The following FAM118B variants were observed in gnomAD, a reference collection of about 807,000 sequenced individuals.
The protein encoded by FAM118B is SIR2 antiphage like 1, also known as protein FAM118B.
A neutral mutation model predicts 38.5 loss-of-function variants in FAM118B; 24 were observed. That is an observed-to-expected ratio of 0.62 (90% CI 0.45 to 0.88). The LOEUF is 0.88. Among genes scored for constraint, FAM118B ranks in the 40% least tolerant of loss-of-function variants. FAM118B has a pLI of 0.00. For missense variants in FAM118B, 334 were observed against 420.0 expected, an observed-to-expected ratio of 0.80 and a Z score of 1.79; for synonymous variants, 138 against 156.3, an observed-to-expected ratio of 0.88 and a Z score of 0.87.
intron 2 of FAM118B, among the ~76,000 whole-genome samples, chr11:126,233,433 C>T (rs2036251): frequency 0.062 from 9,369 of 152,182 alleles, 402 homozygotes; most frequent in East Asian, 0.17. Context: ...TGCAGTGAGC[C>T]GAGATTGCGC....
rs1279084574 is a variant in FAM118B at position 126,233,705 on chromosome 11, G to C, written c.-7-1290G>C. On this transcript the variant is annotated intron_variant, in intron 2 of 8. Coordinates refer to ENST00000533050, the MANE Select transcript of FAM118B (RefSeq NM_024556.4). ...ATGATATAAAGAAGAATTACACTGC[G>C]TGTGATGGACTATGGGGTGAGGATG... The C allele has an allele frequency of 8.8e-6, 4 of 456,256 alleles. No individual in the cohort carries two copies. The Admixed American group carries it at 9.4e-5, about 11-fold the overall frequency. 28.3% of individuals were successfully genotyped at this position (456,256 alleles called of 1,614,324 possible). A position where few individuals can be genotyped will look rare whatever the true frequency, so the allele number is the denominator to read the frequency against.
Position 126,256,683 on chromosome 11 carries a change from C to T in FAM118B, c.813C>T (p.Asp271=). The stretch of plus-strand genomic sequence containing the variant: ...TGGAGGCTGTCAAGCATAAATCTGA[C>T]CTAGAACATTTCATGCTGGTTCGGA... ...LFLEAVKHKS[D]LEHFMLVRRG... The change falls in exon 7 of 9, where the codon GAC becomes GAT. Residue 271 remains aspartate, a synonymous_variant. Transcript: ENST00000533050. This position sits in a 1 kb window ranked among gnomAD's most constrained non-coding sequence, Gnocchi z 6.6. The T allele has an allele frequency of 6.2e-7, 1 of 1,614,182 alleles. No homozygotes were observed. Among genetic ancestry groups the T allele is most frequent in the Non-Finnish European group, 8.5e-7 (1 of 1,180,030 alleles).
At chr11:126,226,933 A>G (rs1950149957) in intron 1 of FAM118B, among the ~76,000 whole-genome samples, 1 of 132,690 alleles carries the variant, frequency 7.5e-6, no homozygotes, top group Non-Finnish European at 1.6e-5. Flanking sequence ...ATGCCTGGGC[A>G]ACAGTGAGAC....
intron 1 of FAM118B, among the ~76,000 whole-genome samples, chr11:126,222,302 A>G (rs1289651551): frequency 6.6e-6 from 1 of 152,248 alleles, no homozygotes; most frequent in Non-Finnish European, 1.5e-5. Context: ...TGGATGCAGC[A>G]ATACTAATAT....
chr11:126,214,514 G>GTTTTTTTTTTTTTTTT (rs71048770), intron 1 of FAM118B: 3 of 41,494 alleles, frequency 7.2e-5, no homozygotes, highest in African/African-American at 1.2e-4. Context: ...TTTTTTTTTT[G>GTTTTTTTTTTTTTTTT]TTTTTTTTTT....
At chr11:126,261,248 TAA>T in intron 7 of FAM118B, 175 bp from the exon 8 acceptor site, 1 of 591,294 alleles carries the variant, frequency 1.7e-6, no homozygotes. Flanking sequence ...AATGCAAGTC[TAA>T]AGACTACTCC....
At position 126,252,616 on chromosome 11, in the gene FAM118B, G is replaced by A. The variant is rs1279290734; in HGVS notation, c.568-1689G>A. 6.6e-6 allele frequency among the ~76,000 whole-genome samples: 1 copy of A among 152,150 alleles called. No individual in the cohort carries two copies. Among genetic ancestry groups the A allele is most frequent in the Non-Finnish European group, 1.5e-5 (1 of 68,028 alleles). ...AAATTAGCCGGGCATGGTGGTGTTT[G>A]CCTGTGGTCCCAGCTACTTGGGAGG... On this transcript the variant is annotated intron_variant, in intron 5 of 8. Coordinates refer to ENST00000533050, the MANE Select transcript of FAM118B (RefSeq NM_024556.4). The surrounding 1 kb of genome is among the most constrained non-coding windows in gnomAD (Gnocchi z 4.7).
chr11:126,231,978 A>T (rs1277022404), intron 2 of FAM118B, among the ~76,000 whole-genome samples: 3 of 152,216 alleles, frequency 2.0e-5, no homozygotes, highest in African/African-American at 7.2e-5. Context: ...GTTAAGGATT[A>T]CTTGGCATTA....
At chr11:126,235,736 G>T (rs1465674500) in intron 3 of FAM118B, among the ~76,000 whole-genome samples, 1 of 152,114 alleles carries the variant, frequency 6.6e-6, no homozygotes, top group Non-Finnish European at 1.5e-5. Context: ...GGTCAGGCTG[G>T]TCTCGAACCC....
At position 126,255,438 on chromosome 11, in the gene FAM118B, A is replaced by AT. The variant is rs905637259; in HGVS notation, c.696+1007dup. Among the ~76,000 whole-genome samples, 30 of 152,098 alleles carry AT rather than the reference A, an allele frequency of 2.0e-4. No individual in the cohort carries two copies. Among genetic ancestry groups the AT allele is most frequent in the African/African-American group, 5.3e-4 (22 of 41,414 alleles). On this transcript the variant is annotated intron_variant, in intron 6 of 8. Transcript: ENST00000533050. The surrounding 1 kb of genome is among the most constrained non-coding windows in gnomAD (Gnocchi z 4.6). The stretch of plus-strand genomic sequence containing the variant: ...TGCCATAACTGCATCCATCTCTGAC[A>AT]TTGAGTGATCCCTTAGGCAGTCATT...
chr11:126,224,720 A>T (rs1950116482), intron 1 of FAM118B, among the ~76,000 whole-genome samples: 1 of 152,160 alleles, frequency 6.6e-6, no homozygotes, highest in African/African-American at 2.4e-5. Context: ...ATGCAAAGGA[A>T]AACCCCAAGG....
chr11:126,224,863 CAG>C (rs1188027438), intron 1 of FAM118B, among the ~76,000 whole-genome samples: 2 of 152,204 alleles, frequency 1.3e-5, no homozygotes, highest in Non-Finnish European at 2.9e-5. Flanking sequence ...TAAGCCAAAA[CAG>C]ATGAATAATT....
At chr11:126,249,831 G>A (rs991287277) in intron 4 of FAM118B, among the ~76,000 whole-genome samples, 4 of 151,782 alleles carry the variant, frequency 2.6e-5, no homozygotes, top group Admixed American at 1.3e-4. Flanking sequence ...CAAGATGAAC[G>A]GAAAGTGTTG....
chr11:126,232,558 A>G (rs1950221006), intron 2 of FAM118B, among the ~76,000 whole-genome samples: 1 of 152,042 alleles, frequency 6.6e-6, no homozygotes, highest in Non-Finnish European at 1.5e-5. Context: ...ATCTCTCTCA[A>G]TATAGTGTTT....
At chr11:126,228,603 C>G in intron 1 of FAM118B, among the ~76,000 whole-genome samples, 1 of 152,112 alleles carries the variant, frequency 6.6e-6, no homozygotes, top group Non-Finnish European at 1.5e-5. Context: ...TTCTGTTGCC[C>G]AGGCTGGAGT....
chr11:126,261,487 A>T lies in FAM118B; in HGVS notation c.1042+3A>T, dbSNP rs1401629045. On this transcript the variant is annotated splice_donor_region_variant and intron_variant, in intron 8 of 8. Transcript: ENST00000533050. ...TGCAGCACACAGTGAAATAAGAGGT[A>T]TACTGTTTCCTATTCTACTATTTAT... 2.5e-6 allele frequency: 4 copies of T among 1,609,692 alleles called. No homozygotes were observed. Among genetic ancestry groups the T allele is most frequent in the Non-Finnish European group, 3.4e-6 (4 of 1,175,942 alleles).
At chr11:126,221,386 G>A (rs1441614389) in intron 1 of FAM118B, among the ~76,000 whole-genome samples, 5 of 152,148 alleles carry the variant, frequency 3.3e-5, no homozygotes, top group African/African-American at 7.2e-5. Context: ...AAATACATAT[G>A]TTGGTGCTTA....
intron 1 of FAM118B, among the ~76,000 whole-genome samples, chr11:126,223,212 A>G (rs1025172125): frequency 6.6e-6 from 1 of 152,158 alleles, no homozygotes; most frequent in Non-Finnish European, 1.5e-5. Context: ...GGATCATGCC[A>G]GGTCTTGTAG....
intron 3 of FAM118B, among the ~76,000 whole-genome samples, chr11:126,240,125 T>C (rs1210254916): frequency 6.6e-6 from 1 of 152,198 alleles, no homozygotes; most frequent in Non-Finnish European, 1.5e-5. Flanking sequence ...GTCTCACATA[T>C]GGGCCTCAGA....
Sources: gnomAD v4.1 joint callset for allele counts (sites outside exome capture counted in the v4.1 genomes callset) on GRCh38, gnomAD v4.1.1 for gene constraint, Gnocchi (gnomAD v3.1) non-coding constraint, MANE v1.5 for transcripts, NCBI Gene and HGNC (gene_info 2026-07-23, HGNC 2026-07-21) for gene names.